Variants in ACADS observed in about 807,000 individuals in gnomAD.
The protein encoded by ACADS is acyl-CoA dehydrogenase short chain.
A neutral mutation model predicts 46.8 loss-of-function variants in ACADS; 28 were observed. The ratio of observed to expected loss-of-function variants is 0.60; its 90% CI spans 0.44 to 0.82. The LOEUF is 0.82. Among genes scored for constraint, ACADS ranks in the 40% least tolerant of loss-of-function variants. The probability of loss-of-function intolerance (pLI) is 0.00; values close to 1 mark genes in which losing one functional copy is unlikely to be tolerated. For synonymous variants in ACADS, 236 were observed against 237.7 expected (o/e 0.99, Z 0.07); for missense variants, 528 against 578.0 (o/e 0.91, Z 0.89).
At chr12:120,734,029 T>C (rs2136945630) in intron 2 of ACADS, among the ~76,000 whole-genome samples, 1 of 152,190 alleles carries the variant, frequency 6.6e-6, no homozygotes, top group Middle Eastern at 3.4e-3. Flanking sequence ...CTCCTGTCTT[T>C]CCCAGTTCTA....
rs1322824706 is a variant in ACADS at position 120,725,868 on chromosome 12, G to C, written c.-18G>C. On this transcript the variant is annotated 5_prime_UTR_variant, in exon 1 of 10. Transcript: ENST00000242592. ...TCGCAGCGGGAGGTCGCGAAGCCTG[G>C]GACTGTGTCTGTCGCCCATGGCCGC... is the stretch of plus-strand genomic sequence containing the variant. 1.5e-5 allele frequency: 23 copies of C among 1,545,844 alleles called. No homozygotes were observed. The highest frequency in any genetic ancestry group is 1.8e-5 in the Non-Finnish European group (21 of 1,154,270).
Position 120,738,560 on chromosome 12 carries a change from A to T in ACADS, c.823A>T (p.Ile275Phe), listed in dbSNP as rs1883539190. The T allele has an allele frequency of 6.2e-7, 1 of 1,611,492 alleles. No homozygotes were observed. Reference protein sequence around the residue: ...MQTLDMGRIGIASQALGIAQT... With the variant: ...MQTLDMGRIGFASQALGIAQT... ...AACCCTGGACATGGGCCGCATCGGC[A>T]TCGCCTCCCAGGCCCTGGGCATTGC... is the stretch of plus-strand genomic sequence containing the variant. Residue 275 changes from isoleucine to phenylalanine, a missense_variant, in exon 7 of 10, where the codon ATC becomes TTC. Ile to Phe is a conservative substitution (Grantham distance 21). Transcript: ENST00000242592.
chr12:120,727,026 C>G lies in ACADS; in HGVS notation c.47C>G (p.Ala16Gly), dbSNP rs147494970. The change falls in exon 2 of 10, where the codon GCT becomes GGT. Residue 16 changes from alanine (A) to glycine (G), a missense_variant and splice_region_variant. By Grantham distance (60) the Ala-to-Gly change is moderately conservative. Transcript: ENST00000242592. Reference protein sequence around the residue: ...LARASGPARRALCPRAWRQLH... With the variant: ...LARASGPARRGLCPRAWRQLH... ...CACTCACTTCTGCCCTTGCCGGCAGCTCTCTGTCCTAGGGCCTGGCGGCAG... is the reference window on the plus strand; with the variant it reads ...CACTCACTTCTGCCCTTGCCGGCAGGTCTCTGTCCTAGGGCCTGGCGGCAG... 1.2e-6 allele frequency: 2 copies of G among 1,614,158 alleles called. No individual in the cohort carries two copies. Among genetic ancestry groups the G allele is most frequent in the Non-Finnish European group, 1.7e-6 (2 of 1,180,018 alleles).
At position 120,738,570 on chromosome 12, in the gene ACADS, A is replaced by G. The variant is rs1196822118; in HGVS notation, c.833A>G (p.Gln278Arg). The G allele has an allele frequency of 6.2e-7, 1 of 1,612,308 alleles. No individual in the cohort carries two copies. Among genetic ancestry groups the G allele is most frequent in the African/African-American group, 1.3e-5 (1 of 75,062 alleles). ...ATGGGCCGCATCGGCATCGCCTCCC[A>G]GGCCCTGGGCATTGCCCAGACCGCC... Reference protein sequence around the residue: ...LDMGRIGIASQALGIAQTALD... With the variant: ...LDMGRIGIASRALGIAQTALD... The change falls in exon 7 of 10, where the codon CAG becomes CGG. Residue 278 changes from glutamine to arginine, a missense_variant. Gln to Arg is a conservative substitution (Grantham distance 43). Transcript: ENST00000242592.
chr12:120,737,907 AACCAAAGCCTGGATC>A lies in ACADS; in HGVS notation c.549_563del (p.Lys183_Thr187del), dbSNP rs771530909. The A allele has an allele frequency of 6.2e-7, 1 of 1,614,070 alleles. No homozygotes were observed. Among genetic ancestry groups the A allele is most frequent in the Non-Finnish European group, 8.5e-7 (1 of 1,180,010 alleles). The stretch of plus-strand genomic sequence containing the variant: ...AGGGCGACTCATGGGTTCTGAATGG[AACCAAAGCCTGGATC>A]ACCAATGCCTGGGAGGCTTCGGCTG... On this transcript the variant is annotated inframe_deletion, in exon 5 of 10. Coordinates refer to ENST00000242592, the MANE Select transcript of ACADS (RefSeq NM_000017.4).
rs796051902 is a variant in ACADS, at chr12:120,738,549, G to A, written c.812G>A (p.Gly271Asp). ...FKIAMQTLDM[G>D]RIGIASQALG... Reference sequence around the variant, plus strand: ...TCCCCACAGCAAACCCTGGACATGGGCCGCATCGGCATCGCCTCCCAGGCC... The same window carrying A: ...TCCCCACAGCAAACCCTGGACATGGACCGCATCGGCATCGCCTCCCAGGCC... The change falls in exon 7 of 10, where the codon GGC becomes GAC. Residue 271 changes from glycine (G) to aspartate (D), a missense_variant. Coordinates refer to ENST00000242592, the MANE Select transcript of ACADS (RefSeq NM_000017.4). 3 of 1,610,364 alleles carry A rather than the reference G, an allele frequency of 1.9e-6. No individual in the cohort carries two copies. Among genetic ancestry groups the A allele is most frequent in the Non-Finnish European group, 2.5e-6 (3 of 1,179,896 alleles).
rs754978171 is a variant in ACADS, at chr12:120,725,869, G to T, written c.-17G>T. On this transcript the variant is annotated 5_prime_UTR_variant, in exon 1 of 10. Transcript: ENST00000242592. ...CGCAGCGGGAGGTCGCGAAGCCTGG[G>T]ACTGTGTCTGTCGCCCATGGCCGCC... 104 of 1,546,556 alleles carry T rather than the reference G, an allele frequency of 6.7e-5. No individual in the cohort carries two copies. In the African/African-American group the frequency reaches 1.3e-3, roughly 20 times the overall value.
rs759795882 is a variant in ACADS at position 120,727,079 on chromosome 12, C to T, written c.100C>T (p.Leu34=). 6.2e-7 allele frequency: 1 copy of T among 1,614,220 alleles called. No individual in the cohort carries two copies. The highest frequency in any genetic ancestry group is 1.1e-5 in the South Asian group (1 of 91,088). Residue 34 remains leucine (L), a synonymous_variant, in exon 2 of 10, where the codon CTG becomes TTG. Coordinates refer to ENST00000242592, the MANE Select transcript of ACADS (RefSeq NM_000017.4). ...QLHTIYQSVE[L]PETHQMLLQT... is the part of the protein sequence containing the mutation. ...ACACACCATCTACCAGTCTGTGGAA[C>T]TGCCCGAGACACACCAGATGTTGCT...
chr12:120,737,280 C>A, intron 3 of ACADS, 76 bp from the exon 4 acceptor site: 1 of 1,533,488 alleles, frequency 6.5e-7, no homozygotes, highest in Non-Finnish European at 8.9e-7. Context: ...ACAGAACAGG[C>A]CCTGAGGTGC....
rs1489118537 is a variant in ACADS at position 120,728,828 on chromosome 12, G to T, written c.210+1639G>T. Among the ~76,000 whole-genome samples the T allele has an allele frequency of 2.0e-5, 3 of 152,210 alleles. No individual in the cohort carries two copies. Among genetic ancestry groups the T allele is most frequent in the Non-Finnish European group, 2.9e-5 (2 of 68,044 alleles). Reference sequence around the variant, plus strand: ...GGCCTTAAAAATGAGTTTTAAAAGGGACGTAAAACATTGTTTTTATATGAG... The same window carrying T: ...GGCCTTAAAAATGAGTTTTAAAAGGTACGTAAAACATTGTTTTTATATGAG... On this transcript the variant is annotated intron_variant, in intron 2 of 9. Coordinates refer to ENST00000242592, the MANE Select transcript of ACADS (RefSeq NM_000017.4). This position sits in a 1 kb window ranked among gnomAD's most constrained non-coding sequence, Gnocchi z 4.0.
intron 1 of ACADS, among the ~76,000 whole-genome samples, chr12:120,726,594 C>G (rs1400649220): frequency 3.3e-5 from 5 of 152,210 alleles, no homozygotes; most frequent in East Asian, 1.9e-4. Context: ...GAATACTATT[C>G]GCCTCCACTT....
rs1883595664 is a variant in ACADS at position 120,739,656 on chromosome 12, T to C, written c.*208T>C. The C allele has an allele frequency of 3.2e-6, 2 of 627,240 alleles. No individual in the cohort carries two copies. Among genetic ancestry groups the C allele is most frequent in the Admixed American group, 2.9e-5 (1 of 33,954 alleles). 38.9% of individuals were successfully genotyped at this position (627,240 alleles called of 1,614,324 possible). ...CTGGGCCTTTCCGCCTCCTCACCAC[T>C]GTGCCTCAAGTTCCTCATCTAAGTG... On this transcript the variant is annotated 3_prime_UTR_variant, in exon 10 of 10. Coordinates refer to ENST00000242592, the MANE Select transcript of ACADS (RefSeq NM_000017.4).
rs2136949744 is a variant in ACADS, at chr12:120,738,282, C to T, written c.627C>T (p.Gly209=). Reference sequence around the variant, plus strand: ...AAACCACCCGCCTCTCCTTTCAGGGCATCAGTGCCTTCCTGGTCCCCATGC... The same window carrying T: ...AAACCACCCGCCTCTCCTTTCAGGGTATCAGTGCCTTCCTGGTCCCCATGC... The part of the protein sequence containing the change: ...ASTDRALQNK[G]ISAFLVPMPT... Residue 209 remains glycine (G), a splice_region_variant and synonymous_variant, in exon 6 of 10, where the codon GGC becomes GGT. Transcript: ENST00000242592. 11 of 1,614,184 alleles carry T rather than the reference C, an allele frequency of 6.8e-6. No individual in the cohort carries two copies. The highest frequency in any genetic ancestry group is 9.3e-6 in the Non-Finnish European group (11 of 1,180,038).
chr12:120,731,790 C>T (rs1244747796), intron 2 of ACADS, among the ~76,000 whole-genome samples: 8 of 151,838 alleles, frequency 5.3e-5, no homozygotes, highest in East Asian at 1.9e-4. Flanking sequence ...TGCGGCCTTC[C>T]GCAGTGTTTG....
In ACADS at chr12:120,738,860, G is replaced by A. The variant is rs932525260; in HGVS notation, c.974G>A (p.Arg325Gln). Residue 325 changes from arginine to glutamine, a missense_variant, in exon 8 of 10, where the codon CGG (arginine) becomes CAG (glutamine). By Grantham distance (43) the Arg-to-Gln change is conservative (BLOSUM62 1). Transcript: ENST00000242592. Reference sequence around the variant, plus strand: ...ATGGCCCTGGCCCTGGAGAGTGCCCGGCTGCTGACCTGGCGCGCTGCCATG... The same window carrying A: ...ATGGCCCTGGCCCTGGAGAGTGCCCAGCTGCTGACCTGGCGCGCTGCCATG... The part of the protein sequence containing the change: ...ADMALALESA[R>Q]LLTWRAAMLK... 12 of 1,613,568 alleles carry A rather than the reference G, an allele frequency of 7.4e-6. No individual in the cohort carries two copies. Among genetic ancestry groups the A allele is most frequent in the Non-Finnish European group, 1.0e-5 (12 of 1,179,834 alleles).
rs1883566782 is a variant in ACADS, at chr12:120,739,133, T to C, written c.1030-7T>C. The C allele has an allele frequency of 6.2e-7, 1 of 1,612,716 alleles. No homozygotes were observed. Among genetic ancestry groups the C allele is most frequent in the Admixed American group, 1.7e-5 (1 of 60,010 alleles). ...AGGGAAGGCTCTGACTGTACCCCCA[T>C]GTTTAGGAGGCAGCCATGGCCAAGC... On this transcript the variant is annotated splice_region_variant and splice_polypyrimidine_tract_variant and intron_variant, in intron 8 of 9. Coordinates refer to ENST00000242592, the MANE Select transcript of ACADS (RefSeq NM_000017.4).
chr12:120,737,222 ATC>A (rs1186842974), intron 3 of ACADS, 87 bp downstream of exon 3: 9 of 1,539,154 alleles, frequency 5.8e-6, no homozygotes, highest in Admixed American at 3.9e-5. Context: ...CCCAGCCCTG[ATC>A]TCTCTGGAGA....
rs202124189 is a variant in ACADS at position 120,739,362 on chromosome 12, G to A, written c.1153G>A (p.Ala385Thr). 1.1e-5 allele frequency: 18 copies of A among 1,612,902 alleles called. No individual in the cohort carries two copies. The Admixed American group carries it at 1.2e-4, about 10-fold the overall frequency. Residue 385 changes from alanine to threonine, a missense_variant, in exon 10 of 10, where the codon GCC becomes ACC. Transcript: ENST00000242592. ...GCCGGCAGAGCGGCACTACCGCGAC[G>A]CCCGCATCACTGAGATCTACGAGGG... The part of the protein sequence containing the change: ...EMPAERHYRD[A>T]RITEIYEGTS...
At position 120,738,958 on chromosome 12, in the gene ACADS, G is replaced by T. The variant is rs768426621; in HGVS notation, c.1029+43G>T. On this transcript the variant is annotated intron_variant, in intron 8 of 9. Coordinates refer to ENST00000242592, the MANE Select transcript of ACADS (RefSeq NM_000017.4). ...CGAGCCATGGCCCAGAATGTGGTGG[G>T]CCCAGGGACGGGGAGAGGTTGGGGC... 3 of 1,609,332 alleles carry T rather than the reference G, an allele frequency of 1.9e-6. No homozygotes were observed. The African/African-American group carries it at 4.0e-5, about 22-fold the overall frequency.
Sources: allele counts gnomAD v4.1 joint callset (sites outside exome capture counted in the v4.1 genomes callset), GRCh38; gene constraint gnomAD v4.1.1; non-coding constraint Gnocchi (gnomAD v3.1); transcripts MANE v1.5; gene names NCBI Gene and HGNC (gene_info 2026-07-23, HGNC 2026-07-21).